Variants in CIROZ observed in about 807,000 individuals in gnomAD.
The protein encoded by CIROZ is ciliated left-right organizer protein containing ZP-N domains.
the CIROZ span, chr1:10,976,337 CT>C: frequency 0.13 from 89,442 of 676,848 alleles, 19 homozygotes; most frequent in South Asian, 0.17. Context: ...CATTATATTT[CT>C]TTTTTTTTTT....
chr1:10,968,682 C>T, the CIROZ span, among the ~76,000 whole-genome samples: 1 of 152,210 alleles, frequency 6.6e-6, no homozygotes, highest in African/African-American at 2.4e-5. Context: ...CAGCAGGCAC[C>T]GTCATTTCTC....
At chr1:10,978,707 C>T in the CIROZ span, among the ~76,000 whole-genome samples, 1 of 151,482 alleles carries the variant, frequency 6.6e-6, no homozygotes, top group Non-Finnish European at 1.5e-5. Context: ...GAGACCCTGT[C>T]TCAAAAAAAA....
chr1:10,968,233 G>A, the CIROZ span, among the ~76,000 whole-genome samples: 1 of 152,312 alleles, frequency 6.6e-6, no homozygotes, highest in South Asian at 2.1e-4. Flanking sequence ...GGGATTACGA[G>A]CAGTTTTGAT....
the CIROZ span, chr1:10,954,980 G>T: frequency 6.3e-7 from 1 of 1,592,436 alleles, no homozygotes; most frequent in Non-Finnish European, 8.6e-7. Context: ...AGATGCCACC[G>T]GATACTCACC....
the CIROZ span, chr1:10,948,787 C>G: frequency 5.3e-4 from 809 of 1,517,500 alleles, 10 homozygotes; most frequent in East Asian, 0.014. Context: ...AGAATGGAGG[C>G]AGATGTCTGG....
the CIROZ span, chr1:10,947,856 G>A: frequency 1.9e-6 from 3 of 1,608,680 alleles, no homozygotes; most frequent in South Asian, 3.3e-5. Flanking sequence ...CAGGCTCAGG[G>A]TTTGCGTGGA....
chr1:10,973,713 G>A, the CIROZ span, among the ~76,000 whole-genome samples: 18 of 152,096 alleles, frequency 1.2e-4, no homozygotes, highest in African/African-American at 3.6e-4. Flanking sequence ...TGGGTGCCTC[G>A]GCAACCTCCC....
At chr1:10,960,634 C>T in the CIROZ span, among the ~76,000 whole-genome samples, 16 of 152,188 alleles carry the variant, frequency 1.1e-4, no homozygotes, top group Non-Finnish European at 1.2e-4. The surrounding 1 kb of genome is among the most constrained non-coding windows in gnomAD (Gnocchi z 4.6). Context: ...GCCTCCCGCT[C>T]GGGGCCTGTG....
the CIROZ span, chr1:10,948,544 G>A: frequency 2.5e-6 from 4 of 1,614,028 alleles, no homozygotes; most frequent in Non-Finnish European, 3.4e-6. Context: ...GAGACCAGAA[G>A]TGATTCAGGT....
At chr1:10,949,630 C>T in the CIROZ span, 1 of 1,602,064 alleles carries the variant, frequency 6.2e-7, no homozygotes, top group East Asian at 2.2e-5. Context: ...GTGCTTTGGC[C>T]AGTGCGTCGG....
the CIROZ span, among the ~76,000 whole-genome samples, chr1:10,973,980 G>C: frequency 6.6e-6 from 1 of 151,764 alleles, no homozygotes; most frequent in Admixed American, 6.6e-5. Context: ...GTCTCTGCAA[G>C]CTCAGGGGTG....
chr1:10,960,927 G>A, the CIROZ span, among the ~76,000 whole-genome samples: 14 of 152,112 alleles, frequency 9.2e-5, no homozygotes, highest in Non-Finnish European at 1.8e-4. This position sits in a 1 kb window ranked among gnomAD's most constrained non-coding sequence, Gnocchi z 4.6. Flanking sequence ...GAGGGGAGGC[G>A]GGGGCAGCAG....
At chr1:10,970,393 C>T in the CIROZ span, among the ~76,000 whole-genome samples, 9 of 152,120 alleles carry the variant, frequency 5.9e-5, no homozygotes, top group Non-Finnish European at 7.4e-5. Context: ...TTTGGGAGAC[C>T]GAGGCGGGTG....
chr1:10,975,189 C>T, the CIROZ span, among the ~76,000 whole-genome samples: 88 of 152,168 alleles, frequency 5.8e-4, no homozygotes, highest in Non-Finnish European at 8.1e-4. Flanking sequence ...GGGTGGATCA[C>T]AAGGTCAGGA....
chr1:10,954,829 G>C, the CIROZ span, among the ~76,000 whole-genome samples: 1 of 152,158 alleles, frequency 6.6e-6, no homozygotes, highest in Non-Finnish European at 1.5e-5. Context: ...CCAGGCTCAA[G>C]TGACGCTCCG....
the CIROZ span, among the ~76,000 whole-genome samples, chr1:10,962,504 T>C: frequency 6.6e-6 from 1 of 152,182 alleles, no homozygotes; most frequent in African/African-American, 2.4e-5. Flanking sequence ...CATACAATTA[T>C]AGATTTCCAG....
chr1:10,978,053 C>G, the CIROZ span, among the ~76,000 whole-genome samples: 4 of 151,884 alleles, frequency 2.6e-5, no homozygotes. Context: ...CATGTAATCC[C>G]AGCTACTCAG....
the CIROZ span, among the ~76,000 whole-genome samples, chr1:10,971,933 G>T: frequency 1.3e-5 from 2 of 152,174 alleles, no homozygotes; most frequent in African/African-American, 2.4e-5. Context: ...ATGACCCAGA[G>T]ATTTGTCTTT....
the CIROZ span, among the ~76,000 whole-genome samples, chr1:10,978,878 CA>C: frequency 6.6e-6 from 1 of 151,996 alleles, no homozygotes; most frequent in Non-Finnish European, 1.5e-5. Flanking sequence ...CGCTGGTGGG[CA>C]AAAAGGAGAG....
Sources: allele counts gnomAD v4.1 joint callset (sites outside exome capture counted in the v4.1 genomes callset), GRCh38; gene constraint gnomAD v4.1.1; non-coding constraint Gnocchi (gnomAD v3.1); transcripts MANE v1.5; gene names NCBI Gene and HGNC (gene_info 2026-07-23, HGNC 2026-07-21).